The following RBFOX1 variants were observed in gnomAD, a reference collection of about 807,000 sequenced individuals.
RBFOX1 encodes RNA binding protein fox-1 homolog 1.
Under a neutral mutation model 57.7 loss-of-function variants are expected in RBFOX1, and 8 were observed. The observed-to-expected ratio is 0.14, with a 90% CI of 0.08 to 0.25. The LOEUF (loss-of-function observed/expected upper bound fraction) is 0.25, where lower values mean the gene tolerates loss of function less well. RBFOX1 is among the 10% of genes least tolerant of loss of function. The pLI is 1.00. For synonymous variants in RBFOX1, 326 were observed against 222.4 expected (o/e 1.47, Z -4.15); for missense variants, 611 against 548.5 (o/e 1.11, Z -1.14).
intron 2 of RBFOX1, among the ~76,000 whole-genome samples, chr16:6,498,033 A>G (rs1431050517): frequency 6.6e-6 from 1 of 151,982 alleles, no homozygotes; most frequent in Non-Finnish European, 1.5e-5. Flanking sequence ...TGGATCGCCT[A>G]AGGTCAAGAG....
At chr16:6,613,267 G>A (rs1352050889) in intron 2 of RBFOX1, among the ~76,000 whole-genome samples, 1 of 152,020 alleles carries the variant, frequency 6.6e-6, no homozygotes, top group East Asian at 1.9e-4. Flanking sequence ...CTTTGCTAAA[G>A]GATTTTCAGG....
At chr16:6,672,299 T>C (rs1603307946) in intron 3 of RBFOX1, among the ~76,000 whole-genome samples, 2 of 151,360 alleles carry the variant, frequency 1.3e-5, no homozygotes, top group Non-Finnish European at 2.9e-5. Flanking sequence ...ATACATCCAA[T>C]ATAAAATAAC....
intron 4 of RBFOX1, among the ~76,000 whole-genome samples, chr16:7,337,881 C>T (rs1441934527): frequency 6.6e-6 from 1 of 152,146 alleles, no homozygotes; most frequent in Non-Finnish European, 1.5e-5. Flanking sequence ...GACAGGGTTT[C>T]ACCATGTTGG....
At chr16:6,636,013 A>G (rs1416641627) in intron 2 of RBFOX1, among the ~76,000 whole-genome samples, 1 of 152,176 alleles carries the variant, frequency 6.6e-6, no homozygotes, top group Admixed American at 6.5e-5. Flanking sequence ...ATAACCTGAA[A>G]GTACTTGTGT....
intron 1 of RBFOX1, among the ~76,000 whole-genome samples, chr16:5,411,914 C>T (rs2067031742): frequency 6.6e-6 from 1 of 152,132 alleles, no homozygotes; most frequent in African/African-American, 2.4e-5. Flanking sequence ...ATGAACCCCA[C>T]TGCTCCTTTT....
intron 2 of RBFOX1, among the ~76,000 whole-genome samples, chr16:6,557,083 A>G (rs1204181911): frequency 7.2e-6 from 1 of 139,436 alleles, no homozygotes. Flanking sequence ...ATACATATAT[A>G]CATACATATA....
intron 13 of RBFOX1, among the ~76,000 whole-genome samples, chr16:7,670,415 G>C (rs1266767816): frequency 6.6e-6 from 1 of 152,150 alleles, no homozygotes; most frequent in African/African-American, 2.4e-5. Context: ...CACATGATTT[G>C]ACTACTGAGT....
intron 4 of RBFOX1, among the ~76,000 whole-genome samples, chr16:7,473,752 C>G (rs114088697): frequency 6.6e-6 from 1 of 152,204 alleles, no homozygotes; most frequent in East Asian, 1.9e-4. Flanking sequence ...CCAACCTCCA[C>G]TTCTTGGCTG....
rs577952377 is a variant in RBFOX1 at position 6,776,477 on chromosome 16, C to T, written c.-16+121827C>T. ...AACATCAAGGAGAAGCAACACAGTG[C>T]AATTCTTTAAAGTGCATACAATTAA... On this transcript the variant is annotated intron_variant, in intron 3 of 15. Coordinates refer to ENST00000550418, the MANE Select transcript of RBFOX1 (RefSeq NM_018723.4). Among the ~76,000 whole-genome samples, 13 of 152,166 alleles carry T rather than the reference C, an allele frequency of 8.5e-5. No homozygotes were observed. The East Asian group carries it at 2.3e-3, about 27-fold the overall frequency.
intron 4 of RBFOX1, among the ~76,000 whole-genome samples, chr16:7,517,815 G>C (rs1329521416): frequency 5.7e-5 from 8 of 140,178 alleles, no homozygotes; most frequent in African/African-American, 2.2e-4. Flanking sequence ...GAAATAAAAA[G>C]GATCTGCCAA....
chr16:7,566,063 T>C (rs2091614451), intron 5 of RBFOX1, among the ~76,000 whole-genome samples: 1 of 152,296 alleles, frequency 6.6e-6, no homozygotes, highest in South Asian at 2.1e-4. Flanking sequence ...TGATACAGTG[T>C]TTATCCACGG....
At position 5,424,988 on chromosome 16, in the gene RBFOX1, C is replaced by CTTTTCTTTTA. The variant is rs1567490744; in HGVS notation, c.220-42219_220-42218insATTTTCTTTT. On this transcript the variant is annotated intron_variant, in intron 1 of 2. Transcript: ENST00000585867. ...TCTCTTTCTTTCTTTCTTTTCTTTT[C>CTTTTCTTTTA]TTTTCTTTTCTTTTCTTTTCTTTTC... Among the ~76,000 whole-genome samples, 2 of 75,276 alleles carry CTTTTCTTTTA rather than the reference C, an allele frequency of 2.7e-5. 1 individual carries two copies. Among genetic ancestry groups the CTTTTCTTTTA allele is most frequent in the Non-Finnish European group, 5.1e-5 (2 of 39,146 alleles). 49.4% of individuals were successfully genotyped at this position (75,276 alleles called of 152,430 possible).
At chr16:5,940,870 C>T (rs8057201) in intron 4 of RBFOX1, among the ~76,000 whole-genome samples, 11,480 of 152,044 alleles carry the variant, frequency 0.076, 667 homozygotes, top group African/African-American at 0.15. Context: ...TCCAACCCTG[C>T]GTTTACATGT....
intron 4 of RBFOX1, among the ~76,000 whole-genome samples, chr16:7,419,203 G>T (rs544061585): frequency 6.6e-6 from 1 of 152,000 alleles, no homozygotes. Flanking sequence ...CACCACCACC[G>T]TCCCCCACCC....
chr16:7,691,736 GA>G (rs2077386595), intron 14 of RBFOX1, among the ~76,000 whole-genome samples: 1 of 152,148 alleles, frequency 6.6e-6, no homozygotes, highest in Admixed American at 6.5e-5. Flanking sequence ...GTTCCTTAGG[GA>G]AAATTGCAGA....
At chr16:7,658,647 C>G (rs892277765) in intron 12 of RBFOX1, among the ~76,000 whole-genome samples, 2 of 152,134 alleles carry the variant, frequency 1.3e-5, no homozygotes, top group East Asian at 1.9e-4. Context: ...AATCCCCTCC[C>G]TCAAAGAGGA....
rs552243682 is a variant in RBFOX1 at position 6,817,506 on chromosome 16, C to T, written c.-16+162856C>T. Among the ~76,000 whole-genome samples the T allele has an allele frequency of 1.8e-4, 27 of 147,404 alleles. No homozygotes were observed. The East Asian group carries it at 5.0e-3, about 27-fold the overall frequency. ...GTCAAGAGTTCGAGACCAGCCTGGC[C>T]AGCATGGTGAAACCCTTTCTTTGCT... On this transcript the variant is annotated intron_variant, in intron 3 of 15. Transcript: ENST00000550418.
At chr16:7,136,848 A>T (rs1275265386) in intron 4 of RBFOX1, among the ~76,000 whole-genome samples, 1 of 152,226 alleles carries the variant, frequency 6.6e-6, no homozygotes, top group Admixed American at 6.5e-5. Context: ...GGTTAATGCT[A>T]CATGGGTTTA....
At chr16:6,416,440 T>C (rs886960811) in intron 2 of RBFOX1, among the ~76,000 whole-genome samples, 9 of 152,188 alleles carry the variant, frequency 5.9e-5, no homozygotes, top group African/African-American at 2.2e-4. Context: ...TTCTCCCCTC[T>C]AATTCCTTCC....
Sources: gnomAD v4.1 joint callset for allele counts (sites outside exome capture counted in the v4.1 genomes callset) on GRCh38, gnomAD v4.1.1 for gene constraint, MANE v1.5 for transcripts, NCBI Gene and HGNC (gene_info 2026-07-23, HGNC 2026-07-21) for gene names.